Variants in KAT6A observed in about 807,000 individuals in gnomAD.
KAT6A encodes histone acetyltransferase KAT6A.
A neutral mutation model predicts 198.4 loss-of-function variants in KAT6A; 9 were observed. That is an observed-to-expected ratio of 0.05 (90% CI 0.03 to 0.08). KAT6A has a LOEUF of 0.08. Among genes scored for constraint, KAT6A ranks in the 10% least tolerant of loss-of-function variants. The pLI is 1.00. For synonymous variants in KAT6A, 890 were observed against 883.0 expected (o/e 1.01, Z -0.14); for missense variants, 2,077 against 2,509.9 (o/e 0.83, Z 3.69).
chr8:41,938,853 G>A (rs1821968022), intron 15 of KAT6A, among the ~76,000 whole-genome samples: 1 of 151,696 alleles, frequency 6.6e-6, no homozygotes, highest in African/African-American at 2.4e-5. Flanking sequence ...AGGCTGAGGT[G>A]GGAGCGTTGC....
intron 8 of KAT6A, among the ~76,000 whole-genome samples, chr8:41,966,557 G>A (rs1306593503): frequency 1.3e-5 from 2 of 152,062 alleles, no homozygotes; most frequent in Non-Finnish European, 2.9e-5. Flanking sequence ...TACTCCATCT[G>A]ATAAGCCCTA....
chr8:41,994,239 C>A (rs1399694153), intron 2 of KAT6A, among the ~76,000 whole-genome samples: 1 of 152,216 alleles, frequency 6.6e-6, no homozygotes, highest in Non-Finnish European at 1.5e-5. Flanking sequence ...CACAGTGAAT[C>A]TGTTAAAAGG....
intron 2 of KAT6A, among the ~76,000 whole-genome samples, chr8:42,006,268 G>A (rs1305513896): frequency 6.6e-6 from 1 of 152,148 alleles, no homozygotes; most frequent in African/African-American, 2.4e-5. Flanking sequence ...GTGTGTGTGT[G>A]CAGGTGCACA....
chr8:42,020,983 G>C (rs998095864), intron 2 of KAT6A, among the ~76,000 whole-genome samples: 1 of 151,992 alleles, frequency 6.6e-6, no homozygotes, highest in Non-Finnish European at 1.5e-5. Flanking sequence ...AATGGGGGGG[G>C]TACTCTGCTT....
At chr8:41,982,184 TA>T (rs1297626443) in intron 3 of KAT6A, among the ~76,000 whole-genome samples, 1 of 151,924 alleles carries the variant, frequency 6.6e-6, no homozygotes, top group Admixed American at 6.6e-5. Flanking sequence ...ATTTGATTAT[TA>T]AAAAAAACTT....
Position 42,048,453 on chromosome 8 carries a change from G to T in KAT6A, c.525C>A (p.Asn175Lys), listed in dbSNP as rs770660492. The change falls in exon 2 of 17, where the codon AAC becomes AAA. Residue 175 changes from asparagine to lysine, a missense_variant. Physicochemically the swap from Asn to Lys is moderately conservative, Grantham distance 94 (BLOSUM62 0). Coordinates refer to ENST00000265713, the MANE Select transcript of KAT6A (RefSeq NM_006766.5). Reference sequence around the variant, plus strand: ...ACTCACAACTCTCTTTCCCATCCACGTTGGTTGCTTTAGTGTTGAGCCGAT... The same window carrying T: ...ACTCACAACTCTCTTTCCCATCCACTTTGGTTGCTTTAGTGTTGAGCCGAT... ...PLYRLNTKAT[N>K]VDGKESCESL... 3 of 1,614,056 alleles carry T rather than the reference G, an allele frequency of 1.9e-6. No individual in the cohort carries two copies. In the South Asian group the frequency reaches 3.3e-5, roughly 18 times the overall value.
At chr8:42,042,531 A>G (rs186990612) in intron 2 of KAT6A, among the ~76,000 whole-genome samples, 4 of 152,314 alleles carry the variant, frequency 2.6e-5, no homozygotes, top group African/African-American at 7.2e-5. Flanking sequence ...TACTTCCTCT[A>G]TAATTTAAAA....
At chr8:41,988,920 C>G (rs151141978) in intron 2 of KAT6A, among the ~76,000 whole-genome samples, 17 of 152,232 alleles carry the variant, frequency 1.1e-4, no homozygotes, top group African/African-American at 4.1e-4. Context: ...TTCATTGGTT[C>G]ATTGATTTGC....
rs1468542148 is a variant in KAT6A, at chr8:41,932,034, C to CA, written c.*170dup. 3 of 623,810 alleles carry CA rather than the reference C, an allele frequency of 4.8e-6. No individual in the cohort carries two copies. The highest frequency in any genetic ancestry group is 7.0e-6 in the Non-Finnish European group (3 of 428,274). The allele number at this position is 623,810 out of a possible 1,614,324, so 38.6% of individuals were successfully genotyped here. ...ACCAAAACCCAGAACAAAATGAACC[C>CA]AAAAAAAGAGAAGATCAGGTTTTCT... On this transcript the variant is annotated 3_prime_UTR_variant, in exon 17 of 17. Coordinates refer to ENST00000265713, the MANE Select transcript of KAT6A (RefSeq NM_006766.5).
chr8:41,939,785 C>G (rs1822015768), intron 15 of KAT6A, among the ~76,000 whole-genome samples: 1 of 152,090 alleles, frequency 6.6e-6, no homozygotes, highest in Non-Finnish European at 1.5e-5. Context: ...ATGCGATATG[C>G]TGGGTGGGAT....
chr8:42,039,130 C>A (rs1307885502), intron 2 of KAT6A, among the ~76,000 whole-genome samples: 1 of 152,126 alleles, frequency 6.6e-6, no homozygotes, highest in Non-Finnish European at 1.5e-5. Context: ...GAGTCCTAAT[C>A]CTGCTCCAGC....
chr8:41,972,411 T>C (rs1002471127), intron 8 of KAT6A, among the ~76,000 whole-genome samples: 1 of 152,160 alleles, frequency 6.6e-6, no homozygotes, highest in Non-Finnish European at 1.5e-5. Flanking sequence ...TACTTAATTA[T>C]AGGTAGAAAG....
intron 2 of KAT6A, among the ~76,000 whole-genome samples, chr8:42,032,575 A>G (rs1827182799): frequency 6.6e-6 from 1 of 152,210 alleles, no homozygotes; most frequent in South Asian, 2.1e-4. Context: ...AATCAAAGAG[A>G]GCAAAAGGTG....
rs191309256 is a variant in KAT6A, at chr8:41,929,742, T to G, written c.*2463A>C. On this transcript the variant is annotated 3_prime_UTR_variant, in exon 17 of 17. Coordinates refer to ENST00000265713, the MANE Select transcript of KAT6A (RefSeq NM_006766.5). The stretch of plus-strand genomic sequence containing the variant: ...CAGACAGGATAGACGTGGCTTCCTT[T>G]GTACATGCGGCTTTTAGAGGCATCT... The G allele has an allele frequency of 1.0e-4, 20 of 192,940 alleles. No homozygotes were observed. The highest frequency in any genetic ancestry group is 1.7e-4 in the Non-Finnish European group (16 of 92,288). 12.0% of individuals were successfully genotyped at this position (192,940 alleles called of 1,614,324 possible).
In KAT6A at chr8:41,943,018, T is replaced by C. The variant is rs1157281424; in HGVS notation, c.2229-18A>G. On this transcript the variant is annotated intron_variant, in intron 13 of 16. Coordinates refer to ENST00000265713, the MANE Select transcript of KAT6A (RefSeq NM_006766.5). ...TCACAAATCTGGAACCAGAGAAAAG[T>C]TTATAGCAATCAACAATGTACAAGG... 6.2e-7 allele frequency: 1 copy of C among 1,613,360 alleles called. No homozygotes were observed. Among genetic ancestry groups the C allele is most frequent in the Non-Finnish European group, 8.5e-7 (1 of 1,179,914 alleles).
intron 2 of KAT6A, among the ~76,000 whole-genome samples, chr8:42,021,330 GGAGAAAAGA>G: frequency 6.6e-6 from 1 of 152,206 alleles, no homozygotes. Context: ...TTGTTTTACT[GGAGAAAAGA>G]GAAGGAAGTC....
intron 8 of KAT6A, chr8:41,957,008 G>A (rs752674382): frequency 3.7e-6 from 2 of 536,196 alleles, no homozygotes; most frequent in Admixed American, 4.4e-5. Flanking sequence ...ACTTCCTGAG[G>A]CAAGGATCAG....
rs778934577 is a variant in KAT6A, at chr8:41,943,978, A to G, written c.1998T>C (p.Ser666=). 5.6e-6 allele frequency: 9 copies of G among 1,609,394 alleles called. No homozygotes were observed. In the East Asian group the frequency reaches 2.0e-4, roughly 36 times the overall value. The change falls in exon 13 of 17, where the codon AGT becomes AGC. Residue 666 remains serine, a splice_region_variant and synonymous_variant. Transcript: ENST00000265713. ...GGCCTTCACGCTTTGATAACAAATA[A>G]CCTAAAGAATCACAAATAACTCAAA... ...KGYGRFLIDF[S]YLLSKREGQA...
intron 8 of KAT6A, among the ~76,000 whole-genome samples, chr8:41,963,580 G>C (rs534477932): frequency 6.6e-6 from 1 of 151,960 alleles, no homozygotes; most frequent in South Asian, 2.1e-4. Context: ...CCTTCATTTA[G>C]GCCCCAGTCA....
Sources: allele counts gnomAD v4.1 joint callset (sites outside exome capture counted in the v4.1 genomes callset), GRCh38; gene constraint gnomAD v4.1.1; transcripts MANE v1.5; gene names NCBI Gene and HGNC (gene_info 2026-07-23, HGNC 2026-07-21).